The following CHRM1 variants were observed in gnomAD, a reference collection of about 807,000 sequenced individuals.
The protein encoded by CHRM1 is cholinergic receptor muscarinic 1.
A neutral mutation model predicts 31.6 loss-of-function variants in CHRM1; 5 were observed. The ratio of observed to expected loss-of-function variants is 0.16; its 90% CI spans 0.08 to 0.33. CHRM1 has a LOEUF of 0.33. CHRM1 is among the 10% of genes least tolerant of loss of function. The pLI, the probability that CHRM1 is intolerant of heterozygous loss-of-function variation, is 1.00. For synonymous variants in CHRM1, 227 were observed against 249.7 expected (o/e 0.91, Z 0.86); for missense variants, 338 against 610.3 (o/e 0.55, Z 4.70).
intron 1 of CHRM1, among the ~76,000 whole-genome samples, chr11:62,915,873 G>C (rs2085897764): frequency 6.6e-6 from 1 of 152,116 alleles, no homozygotes; most frequent in Admixed American, 6.5e-5. Flanking sequence ...GTAGTGATGT[G>C]ATTTCAGCTC....
chr11:62,913,898 G>A (rs2085886205), intron 1 of CHRM1, among the ~76,000 whole-genome samples: 2 of 151,028 alleles, frequency 1.3e-5, no homozygotes, highest in South Asian at 4.2e-4. Context: ...AGGCTGGAGT[G>A]CAGTTGCGCG....
rs2085868570 is a variant in CHRM1, at chr11:62,911,095, G to A, written c.6C>T (p.Asn2=). 6.2e-7 allele frequency: 1 copy of A among 1,613,288 alleles called. No homozygotes were observed. The highest frequency in any genetic ancestry group is 8.5e-7 in the Non-Finnish European group (1 of 1,179,462). Residue 2 remains asparagine (N), a synonymous_variant, in exon 2 of 2, where the codon AAC becomes AAT. Transcript: ENST00000306960. M[N]TSAPPAVSPN... ...GGCTGACAGCAGGTGGGGCTGAAGT[G>A]TTCATGGTGGCTAGGTGGGGCTGGG...
At chr11:62,913,239 T>C (rs1177658608) in intron 1 of CHRM1, among the ~76,000 whole-genome samples, 1 of 152,214 alleles carries the variant, frequency 6.6e-6, no homozygotes, top group East Asian at 1.9e-4. Flanking sequence ...TTAGCAAGAC[T>C]GTCACCTCTT....
chr11:62,917,305 G>A (rs12272560), intron 1 of CHRM1, among the ~76,000 whole-genome samples: 5,227 of 152,262 alleles, frequency 0.034, 123 homozygotes, highest in Middle Eastern at 0.048. Context: ...AAGAAGGAGG[G>A]ACTTAGGACA....
intron 1 of CHRM1, 64 bp from the exon 2 acceptor site, chr11:62,911,242 G>T: frequency 1.3e-6 from 1 of 751,508 alleles, no homozygotes. Flanking sequence ...CTTATTGGAA[G>T]ATGCTAGGGA....
upstream of CHRM1, chr11:62,921,863 G>A (rs1158670233): frequency 6.6e-6 from 1 of 152,114 alleles, no homozygotes; most frequent in Non-Finnish European, 1.5e-5. Flanking sequence ...TGCTGTGAGA[G>A]AGCTAGATTC....
intron 1 of CHRM1, among the ~76,000 whole-genome samples, chr11:62,916,053 A>T (rs1942499): frequency 6.6e-6 from 1 of 151,788 alleles, no homozygotes; most frequent in South Asian, 2.1e-4. Flanking sequence ...CAGGTGATCC[A>T]CCTGCCTCGG....
intron 1 of CHRM1, among the ~76,000 whole-genome samples, chr11:62,911,780 G>A (rs72931321): frequency 3.7e-4 from 57 of 152,196 alleles, no homozygotes; most frequent in Non-Finnish European, 6.6e-4. Context: ...TCCTAAAACA[G>A]GAAAGAAAGA....
At chr11:62,915,718 C>T (rs1362980426) in intron 1 of CHRM1, among the ~76,000 whole-genome samples, 2 of 152,126 alleles carry the variant, frequency 1.3e-5, no homozygotes, top group Non-Finnish European at 2.9e-5. Flanking sequence ...TCCCCTGCTG[C>T]CCTCATCCCC....
At position 62,910,031 on chromosome 11, in the gene CHRM1, A is replaced by G; in HGVS notation, c.1070T>C (p.Leu357Pro). ...CCGAGCCGCCTTCTTCTCCTTGACC[A>G]GCGAGAAGGTCTTCCGCTTGGCCAG... Reference protein sequence around the residue: ...EQLAKRKTFSLVKEKKAARTL... With the variant: ...EQLAKRKTFSPVKEKKAARTL... Residue 357 changes from leucine (L) to proline (P), a missense_variant, in exon 2 of 2, where the codon CTG (leucine) becomes CCG (proline). This residue lies in a region of CHRM1 where 183 missense variants were observed against 223.4 expected (regional missense o/e 0.82). Coordinates refer to ENST00000306960, the MANE Select transcript of CHRM1 (RefSeq NM_000738.3). This position sits in a 1 kb window ranked among gnomAD's most constrained non-coding sequence, Gnocchi z 8.7. 1 of 1,613,854 alleles carries G rather than the reference A, an allele frequency of 6.2e-7. No homozygotes were observed.
At chr11:62,913,973 C>T (rs1356699699) in intron 1 of CHRM1, among the ~76,000 whole-genome samples, 2 of 149,414 alleles carry the variant, frequency 1.3e-5, no homozygotes. Context: ...GATGGAGTCT[C>T]GCTGTGTCAC....
chr11:62,920,306 T>C (rs1479333891), intron 1 of CHRM1, among the ~76,000 whole-genome samples: 2 of 152,174 alleles, frequency 1.3e-5, no homozygotes, highest in Non-Finnish European at 2.9e-5. Flanking sequence ...ACCTCTAAGC[T>C]GCACATGTCT....
In CHRM1 at chr11:62,910,156, G is replaced by A. The variant is rs766944375; in HGVS notation, c.945C>T (p.Thr315=). Reference sequence around the variant, plus strand: ...TTGGGGAGCTCCGTGGGGGCTGCTTGGTGGGGGCCTGTGCCTCGGGGTCCA... The same window carrying A: ...TTGGGGAGCTCCGTGGGGGCTGCTTAGTGGGGGCCTGTGCCTCGGGGTCCA... ...PMVDPEAQAP[T]KQPPRSSPNT... Residue 315 remains threonine, a synonymous_variant, in exon 2 of 2, where the codon ACC becomes ACT. Transcript: ENST00000306960. This position sits in a 1 kb window ranked among gnomAD's most constrained non-coding sequence, Gnocchi z 8.7. 1 of 1,605,550 alleles carries A rather than the reference G, an allele frequency of 6.2e-7. No homozygotes were observed. The highest frequency in any genetic ancestry group is 8.5e-7 in the Non-Finnish European group (1 of 1,175,938).
In CHRM1 at chr11:62,921,297, C is replaced by T. The variant is rs2085932236; in HGVS notation, c.-158G>A. ...CCTGCGGCGTCTCCAGGGACCCAAA[C>T]ACCTGGCTCCCAGGGGGAGCTGCGC... is the stretch of plus-strand genomic sequence containing the variant. On this transcript the variant is annotated 5_prime_UTR_variant, in exon 1 of 2. Coordinates refer to ENST00000306960, the MANE Select transcript of CHRM1 (RefSeq NM_000738.3). 6.6e-6 allele frequency: 1 copy of T among 152,280 alleles called. No individual in the cohort carries two copies. The highest frequency in any genetic ancestry group is 2.1e-4 in the South Asian group (1 of 4,838). 9.4% of individuals were successfully genotyped at this position (152,280 alleles called of 1,614,324 possible).
chr11:62,914,610 A>G (rs1376169683), intron 1 of CHRM1, among the ~76,000 whole-genome samples: 1 of 152,194 alleles, frequency 6.6e-6, no homozygotes, highest in African/African-American at 2.4e-5. Flanking sequence ...GCTTAGTGCT[A>G]TTTAATGCCC....
Position 62,909,675 on chromosome 11 carries a change from C to T in CHRM1, c.*43G>A, listed in dbSNP as rs1172782019. The T allele has an allele frequency of 1.9e-6, 3 of 1,594,126 alleles. No individual in the cohort carries two copies. In the East Asian group the frequency reaches 6.7e-5, roughly 36 times the overall value. ...CAGCCCCTGCCCTCTTCCCACCGGC[C>T]TTTCCCGGGGACTGGGGTGGAGGGA... On this transcript the variant is annotated 3_prime_UTR_variant, in exon 2 of 2. Transcript: ENST00000306960.
chr11:62,910,157 G>A lies in CHRM1; in HGVS notation c.944C>T (p.Thr315Ile), dbSNP rs772886847. Residue 315 changes from threonine (T) to isoleucine (I), a missense_variant, in exon 2 of 2, where the codon ACC (threonine) becomes ATC (isoleucine). Around this residue, in one of 4 missense-constraint regions of CHRM1, gnomAD observed 183 missense variants for 223.4 expected, o/e 0.82. Coordinates refer to ENST00000306960, the MANE Select transcript of CHRM1 (RefSeq NM_000738.3). This position sits in a 1 kb window ranked among gnomAD's most constrained non-coding sequence, Gnocchi z 8.7. Reference sequence around the variant, plus strand: ...TGGGGAGCTCCGTGGGGGCTGCTTGGTGGGGGCCTGTGCCTCGGGGTCCAC... The same window carrying A: ...TGGGGAGCTCCGTGGGGGCTGCTTGATGGGGGCCTGTGCCTCGGGGTCCAC... The part of the protein sequence containing the change: ...PMVDPEAQAP[T>I]KQPPRSSPNT... 2.5e-6 allele frequency: 4 copies of A among 1,605,132 alleles called. No individual in the cohort carries two copies. In the South Asian group the frequency reaches 3.3e-5, roughly 13 times the overall value.
At chr11:62,920,088 A>T (rs1316967030) in intron 1 of CHRM1, among the ~76,000 whole-genome samples, 1 of 152,168 alleles carries the variant, frequency 6.6e-6, no homozygotes, top group Non-Finnish European at 1.5e-5. Flanking sequence ...TAGCGACTGC[A>T]GCTTGCCTGG....
At chr11:62,917,449 G>A (rs72931325) in intron 1 of CHRM1, among the ~76,000 whole-genome samples, 14,070 of 152,252 alleles carry the variant, frequency 0.092, 1,076 homozygotes, top group Admixed American at 0.26. Flanking sequence ...AAGACCCCCC[G>A]AGGCAGTCCT....
Sources: gnomAD v4.1 joint callset for allele counts (sites outside exome capture counted in the v4.1 genomes callset) on GRCh38, gnomAD v4.1.1 for gene constraint, gnomAD v4.1.1 regional missense constraint, Gnocchi (gnomAD v3.1) non-coding constraint, MANE v1.5 for transcripts, NCBI Gene and HGNC (gene_info 2026-07-23, HGNC 2026-07-21) for gene names.